CCNY: variants seen among roughly 807,000 people sequenced by gnomAD.
CCNY encodes cyclin Y, also known as cyclin-Y.
A neutral mutation model predicts 42.8 loss-of-function variants in CCNY; 19 were observed. The observed-to-expected ratio is 0.44, with a 90% CI of 0.31 to 0.65. The LOEUF is 0.65. Among genes scored for constraint, CCNY ranks in the 30% least tolerant of loss-of-function variants. The pLI is 0.07. For missense variants in CCNY, 370 were observed against 437.3 expected (o/e 0.85, Z 1.37); for synonymous variants, 165 against 162.7 (o/e 1.01, Z -0.11).
At chr10:35,377,283 G>A (rs553272668) in intron 1 of CCNY, among the ~76,000 whole-genome samples, 2 of 152,304 alleles carry the variant, frequency 1.3e-5, no homozygotes, top group East Asian at 1.9e-4. Context: ...GCAACTTCCA[G>A]TCCTGCAAGC....
intron 1 of CCNY, among the ~76,000 whole-genome samples, chr10:35,416,698 G>T (rs973761885): frequency 5.3e-5 from 8 of 152,172 alleles, no homozygotes; most frequent in Non-Finnish European, 8.8e-5. Flanking sequence ...CTGTCTGGTT[G>T]TGAACGTGAG....
intron 3 of CCNY, among the ~76,000 whole-genome samples, chr10:35,254,423 A>G (rs2095714084): frequency 6.6e-6 from 1 of 152,128 alleles, no homozygotes; most frequent in Non-Finnish European, 1.5e-5. Flanking sequence ...AATTTTTCTG[A>G]CCGGTTGCTT....
chr10:35,428,960 A>G (rs1838327412), intron 1 of CCNY, among the ~76,000 whole-genome samples: 1 of 152,184 alleles, frequency 6.6e-6, no homozygotes, highest in South Asian at 2.1e-4. Context: ...TTTAACCTAA[A>G]CAATTTGAGG....
rs1836035161 is a variant in CCNY at position 35,336,597 on chromosome 10, C to A, written c.-457C>A. On this transcript the variant is annotated 5_prime_UTR_variant, in exon 1 of 10. Transcript: ENST00000374704. ...CCGCCCGCTCGTCGGCTAGTCCCGCCGTCCGGCGCGGACACGCGTGCCCCC... is the reference window on the plus strand; with the variant it reads ...CCGCCCGCTCGTCGGCTAGTCCCGCAGTCCGGCGCGGACACGCGTGCCCCC... Among the ~76,000 whole-genome samples, 1 of 148,024 alleles carries A rather than the reference C, an allele frequency of 6.8e-6. No individual in the cohort carries two copies. The highest frequency in any genetic ancestry group is 2.1e-4 in the South Asian group (1 of 4,738).
rs535377478 is a variant in CCNY, at chr10:35,289,090, A to G, written c.-9+38464A>G. 3.3e-5 allele frequency among the ~76,000 whole-genome samples: 5 copies of G among 152,258 alleles called. No homozygotes were observed. The South Asian group carries it at 1.0e-3, about 32-fold the overall frequency. ...ATTTACTGAGGTTTTTAAAAATTTC[A>G]GTATTTTAGAGTTTTAGTGTAAAGA... On this transcript the variant is annotated intron_variant, in intron 3 of 11. Coordinates refer to the CCNY transcript ENST00000374706.
At chr10:35,402,085 T>G (rs577324317) in intron 1 of CCNY, among the ~76,000 whole-genome samples, 363 of 152,102 alleles carry the variant, frequency 2.4e-3, no homozygotes, top group Non-Finnish European at 4.3e-3. Flanking sequence ...CAAAAATTTT[T>G]GGGGGTGGTA....
intron 8 of CCNY, among the ~76,000 whole-genome samples, chr10:35,553,567 T>C (rs547602863): frequency 2.0e-4 from 31 of 152,318 alleles, no homozygotes; most frequent in Admixed American, 1.4e-3. Flanking sequence ...ATACAGTCCT[T>C]TGTGGTCAAT....
chr10:35,253,415 T>A (rs34595542), intron 3 of CCNY, among the ~76,000 whole-genome samples: 26,136 of 92,074 alleles, frequency 0.28, 3,242 homozygotes, highest in African/African-American at 0.39. Context: ...ATGCTCACTA[T>A]TTTTTTTTTT....
intron 3 of CCNY, among the ~76,000 whole-genome samples, chr10:35,312,094 T>C (rs1159782393): frequency 1.3e-5 from 2 of 152,132 alleles, no homozygotes; most frequent in African/African-American, 2.4e-5. Context: ...ATAATTCATA[T>C]TGGCTGGTCG....
At chr10:35,479,124 G>A (rs1181164262) in intron 1 of CCNY, among the ~76,000 whole-genome samples, 2 of 151,842 alleles carry the variant, frequency 1.3e-5, no homozygotes, top group Non-Finnish European at 2.9e-5. Flanking sequence ...TGGAGAGGAT[G>A]TGGAGAAATA....
chr10:35,468,656 T>A (rs181521640), intron 1 of CCNY, among the ~76,000 whole-genome samples: 1 of 152,272 alleles, frequency 6.6e-6, no homozygotes, highest in East Asian at 1.9e-4. Context: ...TCCTCCTGTG[T>A]GTTGCCATTT....
intron 3 of CCNY, among the ~76,000 whole-genome samples, chr10:35,274,425 G>A (rs1475581348): frequency 2.0e-5 from 3 of 152,136 alleles, no homozygotes; most frequent in African/African-American, 7.2e-5. Flanking sequence ...TCTTAGTGGG[G>A]GTGGGGAGGG....
intron 3 of CCNY, among the ~76,000 whole-genome samples, chr10:35,297,875 G>T (rs1217564617): frequency 6.6e-6 from 1 of 152,060 alleles, no homozygotes; most frequent in Non-Finnish European, 1.5e-5. Context: ...TTCCATGTTT[G>T]TGGATAGGAA....
At chr10:35,470,367 T>C (rs139206608) in intron 1 of CCNY, among the ~76,000 whole-genome samples, 2 of 152,180 alleles carry the variant, frequency 1.3e-5, no homozygotes, top group East Asian at 3.9e-4. Context: ...ACAGAGCAGA[T>C]GACTGAGGGC....
chr10:35,255,445 C>A (rs1481485112), intron 3 of CCNY, among the ~76,000 whole-genome samples: 2 of 151,724 alleles, frequency 1.3e-5, no homozygotes, highest in Non-Finnish European at 2.9e-5. Context: ...TATAGGCACA[C>A]ACCACCATGC....
intron 3 of CCNY, among the ~76,000 whole-genome samples, chr10:35,509,080 A>G (rs142650744): frequency 6.6e-6 from 1 of 152,134 alleles, no homozygotes; most frequent in Non-Finnish European, 1.5e-5. Context: ...TTTATGGCCA[A>G]ATACATTTCT....
chr10:35,396,623 G>A (rs922305553), intron 1 of CCNY, among the ~76,000 whole-genome samples: 2 of 152,260 alleles, frequency 1.3e-5, no homozygotes, highest in Admixed American at 1.3e-4. Context: ...CTCCAGCCTT[G>A]CCCCAAGGGC....
At chr10:35,351,630 CAG>C (rs1195067612) in intron 1 of CCNY, among the ~76,000 whole-genome samples, 15 of 152,144 alleles carry the variant, frequency 9.9e-5, no homozygotes, top group Non-Finnish European at 1.6e-4. Context: ...TTGTGGGAAA[CAG>C]GGATATATTT....
At chr10:35,476,457 A>G (rs1166369591) in intron 1 of CCNY, among the ~76,000 whole-genome samples, 2 of 152,240 alleles carry the variant, frequency 1.3e-5, no homozygotes, top group African/African-American at 4.8e-5. Flanking sequence ...AGTGCAATCA[A>G]ACTAGAACTC....
Sources: allele counts gnomAD v4.1 joint callset (sites outside exome capture counted in the v4.1 genomes callset), GRCh38; gene constraint gnomAD v4.1.1; transcripts MANE v1.5; gene names NCBI Gene and HGNC (gene_info 2026-07-23, HGNC 2026-07-21).